Variants in MPP7 observed in about 807,000 individuals in gnomAD.
The protein encoded by MPP7 is MAGUK p55 scaffold protein 7, also known as MAGUK p55 subfamily member 7.
MPP7 carries 60 observed loss-of-function variants against 76.5 expected under a neutral mutation model. The ratio of observed to expected loss-of-function variants is 0.78; its 90% confidence interval spans 0.64 to 0.97. The LOEUF is 0.97. Among genes scored for constraint, MPP7 ranks in the 50% least tolerant of loss-of-function variants. The pLI, the probability that MPP7 is intolerant of heterozygous loss-of-function variation, is 0.00. For synonymous variants in MPP7, 237 were observed against 244.5 expected, an observed-to-expected ratio of 0.97 and a Z score of 0.29; for missense variants, 641 against 694.0, an observed-to-expected ratio of 0.92 and a Z score of 0.86.
intron 2 of MPP7, among the ~76,000 whole-genome samples, chr10:28,218,667 C>T (rs1415354112): frequency 6.6e-6 from 1 of 151,884 alleles, no homozygotes; most frequent in Non-Finnish European, 1.5e-5. Flanking sequence ...TCTCCAAACA[C>T]AAGGAACCAA....
At chr10:28,324,328 T>C (rs933452949) in intron 2 of MPP7, among the ~76,000 whole-genome samples, 1 of 152,334 alleles carries the variant, frequency 6.6e-6, no homozygotes, top group Middle Eastern at 3.4e-3. Flanking sequence ...TCCCAGTCTC[T>C]ATAACTGCAA....
rs1277876194 is a variant in MPP7, at chr10:28,051,198, G to C, written c.*2867C>G. ...ACACTGTTTGAAGGTACTTTATTAA[G>C]ATCAAAGATTTTTCATTACATTTAT... On this transcript the variant is annotated 3_prime_UTR_variant, in exon 17 of 17. Coordinates refer to ENST00000683449, the MANE Select transcript of MPP7 (RefSeq NM_001318170.2). 6.6e-6 allele frequency: 1 copy of C among 152,120 alleles called. No individual in the cohort carries two copies. Among genetic ancestry groups the C allele is most frequent in the African/African-American group, 2.4e-5 (1 of 41,436 alleles). 9.4% of individuals were successfully genotyped at this position (152,120 alleles called of 1,614,324 possible).
chr10:28,319,167 G>A (rs1003208569), intron 2 of MPP7, among the ~76,000 whole-genome samples: 1 of 152,114 alleles, frequency 6.6e-6, no homozygotes, highest in African/African-American at 2.4e-5. Context: ...CATGGCCAGA[G>A]CAGGAGGAAG....
intron 3 of MPP7, among the ~76,000 whole-genome samples, chr10:28,183,552 G>A (rs1250114347): frequency 3.9e-5 from 6 of 152,216 alleles, no homozygotes; most frequent in African/African-American, 1.2e-4. Context: ...ACTTTGGGAA[G>A]CTGAGGCAGG....
chr10:28,156,094 T>C (rs1356035589), intron 3 of MPP7, among the ~76,000 whole-genome samples: 2 of 152,234 alleles, frequency 1.3e-5, no homozygotes, highest in African/African-American at 4.8e-5. Context: ...AGATGAAGTA[T>C]CAACATAATT....
chr10:28,313,873 TTTA>T (rs1358806458), intron 2 of MPP7, among the ~76,000 whole-genome samples: 2,818 of 48,842 alleles, frequency 0.058, 229 homozygotes, highest in African/African-American at 0.16. Flanking sequence ...TTTTATTTTT[TTTA>T]TTTTTTTTTG....
chr10:28,127,090 C>T (rs1397885383), intron 6 of MPP7, among the ~76,000 whole-genome samples: 2 of 152,192 alleles, frequency 1.3e-5, no homozygotes, highest in Admixed American at 6.5e-5. Context: ...AACATACAGC[C>T]GTGGTTTGCA....
chr10:28,126,021 AT>A (rs748055502), intron 6 of MPP7, among the ~76,000 whole-genome samples: 123 of 152,300 alleles, frequency 8.1e-4, no homozygotes, highest in Middle Eastern at 3.4e-3. Context: ...AAGAAGTGAA[AT>A]TTTTCTCCAG....
At chr10:28,273,714 T>G (rs1044003009) in intron 1 of MPP7, among the ~76,000 whole-genome samples, 1 of 152,236 alleles carries the variant, frequency 6.6e-6, no homozygotes. Context: ...TTTCCTCTTC[T>G]TTGCAGAACG....
chr10:28,221,609 C>A (rs1460239174), intron 2 of MPP7, among the ~76,000 whole-genome samples: 1 of 152,136 alleles, frequency 6.6e-6, no homozygotes, highest in Non-Finnish European at 1.5e-5. Context: ...ACATCCAAAT[C>A]ATGTTATGAA....
intron 11 of MPP7, among the ~76,000 whole-genome samples, chr10:28,100,847 T>A (rs369446064): frequency 2.0e-5 from 3 of 152,080 alleles, no homozygotes; most frequent in Admixed American, 6.5e-5. Context: ...TGATACCACT[T>A]ACAATTCGTT....
chr10:28,152,276 T>A (rs1470053878), intron 3 of MPP7, among the ~76,000 whole-genome samples: 5 of 152,202 alleles, frequency 3.3e-5, no homozygotes, highest in Admixed American at 1.3e-4. Context: ...ATTTTTTAAA[T>A]GTTCTAGAAT....
At chr10:28,147,419 CA>C in intron 5 of MPP7, 63 bp downstream of exon 5, 1 of 1,297,712 alleles carries the variant, frequency 7.7e-7, no homozygotes, top group Non-Finnish European at 1.1e-6. Context: ...AAACAAAATT[CA>C]TCTGAAGGCT....
intron 1 of MPP7, among the ~76,000 whole-genome samples, chr10:28,253,977 C>T (rs1410483161): frequency 9.3e-6 from 1 of 107,936 alleles, no homozygotes; most frequent in South Asian, 3.2e-4. Flanking sequence ...GCCTGGGATA[C>T]AGAGAGAGAG....
intron 3 of MPP7, among the ~76,000 whole-genome samples, chr10:28,164,450 T>C (rs1836375252): frequency 6.6e-6 from 1 of 152,000 alleles, no homozygotes; most frequent in Non-Finnish European, 1.5e-5. Flanking sequence ...GGTAGCTAAG[T>C]GGAGGGCTGC....
intron 2 of MPP7, among the ~76,000 whole-genome samples, chr10:28,230,835 C>A (rs771965663): frequency 4.6e-4 from 70 of 151,908 alleles, no homozygotes; most frequent in Non-Finnish European, 9.7e-4. Flanking sequence ...AATAAATAAA[C>A]TAAACAAAAA....
intron 11 of MPP7, among the ~76,000 whole-genome samples, chr10:28,113,446 G>T (rs1408558382): frequency 6.6e-6 from 1 of 152,244 alleles, no homozygotes; most frequent in East Asian, 1.9e-4. Flanking sequence ...TGAATCTACA[G>T]TATTTCCTGG....
intron 5 of MPP7, among the ~76,000 whole-genome samples, chr10:28,135,582 G>A (rs1835329516): frequency 6.6e-6 from 1 of 152,114 alleles, no homozygotes; most frequent in African/African-American, 2.4e-5. Flanking sequence ...TAATTCTAAG[G>A]TTGAGAAACT....
intron 1 of MPP7, among the ~76,000 whole-genome samples, chr10:28,290,874 T>C (rs1471981257): frequency 6.6e-6 from 1 of 152,222 alleles, no homozygotes; most frequent in East Asian, 1.9e-4. Context: ...CTGATATGAA[T>C]TGAACTGTTT....
Sources: allele counts gnomAD v4.1 joint callset (sites outside exome capture counted in the v4.1 genomes callset), GRCh38; gene constraint gnomAD v4.1.1; transcripts MANE v1.5; gene names NCBI Gene and HGNC (gene_info 2026-07-23, HGNC 2026-07-21).